The following ENPP2 variants were observed in gnomAD, a reference collection of about 807,000 sequenced individuals.
The protein encoded by ENPP2 is autotaxin.
ENPP2 carries 51 observed loss-of-function variants against 120.2 expected under a neutral mutation model. The observed-to-expected ratio is 0.42, with a 90% CI of 0.34 to 0.54. The LOEUF is 0.54. Among genes scored for constraint, ENPP2 ranks in the 20% least tolerant of loss-of-function variants. The pLI, the probability that ENPP2 is intolerant of heterozygous loss-of-function variation, is 0.04. For missense variants in ENPP2, 920 were observed against 1,066.5 expected (o/e 0.86, Z 1.91); for synonymous variants, 365 against 366.4 (o/e 1.00, Z 0.04).
chr8:119,614,390 A>G (rs1250572393), intron 8 of ENPP2, among the ~76,000 whole-genome samples: 2 of 152,126 alleles, frequency 1.3e-5, no homozygotes, highest in Non-Finnish European at 2.9e-5. Context: ...TATGGTGGCC[A>G]TCTTGCCCAA....
chr8:119,621,563 C>G (rs1587504586), intron 3 of ENPP2, 44 bp from the exon 4 acceptor site: 1 of 1,598,574 alleles, frequency 6.3e-7, no homozygotes, highest in South Asian at 1.1e-5. Flanking sequence ...GCACACTAAC[C>G]AAATGAAAGA....
At chr8:119,613,243 G>A (rs1298369965) in intron 8 of ENPP2, among the ~76,000 whole-genome samples, 3 of 152,214 alleles carry the variant, frequency 2.0e-5, no homozygotes, top group Non-Finnish European at 2.9e-5. Context: ...TGCATGTTGA[G>A]TATTAACAAA....
At chr8:119,571,555 T>C (rs1253021149) in intron 19 of ENPP2, 1 of 152,202 alleles carries the variant, frequency 6.6e-6, no homozygotes, top group African/African-American at 2.4e-5. Flanking sequence ...CTTTACTCTT[T>C]GCGGAAGAAG....
At chr8:119,583,892 ACAC>A in intron 16 of ENPP2, 67 bp downstream of exon 16, 3 of 1,380,924 alleles carry the variant, frequency 2.2e-6, no homozygotes, top group Non-Finnish European at 3.1e-6. Context: ...AACTTCACTC[ACAC>A]CACCATTACT....
At chr8:119,617,374 T>C (rs1815530807) in intron 6 of ENPP2, 92 bp downstream of exon 6, 4 of 1,118,854 alleles carry the variant, frequency 3.6e-6, no homozygotes, top group East Asian at 2.5e-5. Flanking sequence ...CATTTAAAAC[T>C]ACGTGCCCAT....
chr8:119,658,931 A>G (rs1045253628), intron 1 of ENPP2, among the ~76,000 whole-genome samples: 3 of 152,218 alleles, frequency 2.0e-5, no homozygotes, highest in African/African-American at 4.8e-5. Context: ...AAAAGGGATC[A>G]GGCAACTGCC....
At chr8:119,573,407 T>TAAAAAAAAA (rs1563680979) in intron 19 of ENPP2, among the ~76,000 whole-genome samples, 13 of 71,548 alleles carry the variant, frequency 1.8e-4, no homozygotes, top group African/African-American at 8.5e-4. Flanking sequence ...GCTCCGTCTC[T>TAAAAAAAAA]TAAAAAAAAA....
At chr8:119,635,048 A>C (rs572022899) in intron 2 of ENPP2, among the ~76,000 whole-genome samples, 1 of 152,368 alleles carries the variant, frequency 6.6e-6, no homozygotes, top group East Asian at 1.9e-4. Context: ...CACAGAGCAA[A>C]TGGCTGATCT....
chr8:119,673,346 G>C (rs1163040301), exon 1 of ENPP2: 2 of 1,525,590 alleles, frequency 1.3e-6, no homozygotes, highest in South Asian at 1.2e-5. Flanking sequence ...CGCGACCTGG[G>C]AGCTGTGCTC....
intron 9 of ENPP2, among the ~76,000 whole-genome samples, chr8:119,604,173 G>A (rs1814523941): frequency 6.6e-6 from 1 of 152,002 alleles, no homozygotes; most frequent in African/African-American, 2.4e-5. Context: ...GATTAAAGGT[G>A]CCTGCCACCA....
chr8:119,646,005 G>A lies in ENPP2; in HGVS notation c.22-7478C>T, dbSNP rs551760475. Among the ~76,000 whole-genome samples the A allele has an allele frequency of 4.0e-5, 6 of 150,296 alleles. No homozygotes were observed. In the East Asian group the frequency reaches 1.2e-3, roughly 30 times the overall value. On this transcript the variant is annotated intron_variant, in intron 1 of 25. Coordinates refer to the ENPP2 transcript ENST00000427067. Reference sequence around the variant, plus strand: ...TTTTTTGAGATGGAGTTTCACTCTTGTTGCCCAGGCTGGAGCGCAATGGCA... The same window carrying A: ...TTTTTTGAGATGGAGTTTCACTCTTATTGCCCAGGCTGGAGCGCAATGGCA...
intron 4 of ENPP2, among the ~76,000 whole-genome samples, 180 bp from the exon 5 acceptor site, chr8:119,619,484 A>G (rs1190005767): frequency 1.3e-5 from 2 of 152,136 alleles, no homozygotes; most frequent in African/African-American, 2.4e-5. Context: ...ACACCCATAC[A>G]TGATGGGAAA....
intron 12 of ENPP2, among the ~76,000 whole-genome samples, chr8:119,592,495 A>AAG (rs1563706849): frequency 1.3e-5 from 2 of 150,866 alleles, no homozygotes. Context: ...AAAAAAAAAA[A>AAG]AAGAAGAAGA....
At chr8:119,558,043 T>A (rs1813607009) in intron 24 of ENPP2, among the ~76,000 whole-genome samples, 1 of 152,194 alleles carries the variant, frequency 6.6e-6, no homozygotes, top group Non-Finnish European at 1.5e-5. Context: ...AGCTGTCAAA[T>A]TGCAATATTG....
At chr8:119,630,822 T>C (rs1159775918) in intron 2 of ENPP2, among the ~76,000 whole-genome samples, 2 of 152,110 alleles carry the variant, frequency 1.3e-5, no homozygotes, top group African/African-American at 4.8e-5. Flanking sequence ...AAAGGGAAGG[T>C]AGTTTGAGCC....
chr8:119,586,207 T>C lies in ENPP2; in HGVS notation c.1346A>G (p.Glu449Gly). 1 of 1,614,136 alleles carries C rather than the reference T, an allele frequency of 6.2e-7. No homozygotes were observed. Among genetic ancestry groups the C allele is most frequent in the Non-Finnish European group, 8.5e-7 (1 of 1,179,978 alleles). ...RRIEDIHLLV[E>G]RRWHVARKPL... ...TTACCTTGCAACATGCCATCTGCGT[T>C]CCACCAATAAATGGATATCCTCAAT... The change falls in exon 15 of 25, where the codon GAA (glutamate) becomes GGA (glycine). Residue 449 changes from glutamate to glycine, a missense_variant. Physicochemically the swap from Glu to Gly is moderately conservative, Grantham distance 98. Transcript: ENST00000075322.
chr8:119,560,117 C>T (rs746829129), intron 24 of ENPP2, among the ~76,000 whole-genome samples: 4 of 152,154 alleles, frequency 2.6e-5, no homozygotes, highest in South Asian at 2.1e-4. Context: ...CTCTAATGAC[C>T]GAACTTGAAC....
At chr8:119,657,132 CCAGTCTGGT>C (rs1403048495) in intron 1 of ENPP2, among the ~76,000 whole-genome samples, 1 of 152,214 alleles carries the variant, frequency 6.6e-6, no homozygotes, top group South Asian at 2.1e-4. Context: ...ACCATGTTGG[CCAGTCTGGT>C]CTCGAACTCC....
intron 2 of ENPP2, among the ~76,000 whole-genome samples, chr8:119,629,730 C>G (rs186824011): frequency 1.4e-4 from 21 of 152,166 alleles, no homozygotes; most frequent in Non-Finnish European, 2.5e-4. Flanking sequence ...TTTGACCAAC[C>G]TATCAACAGT....
Sources: allele counts gnomAD v4.1 joint callset (sites outside exome capture counted in the v4.1 genomes callset), GRCh38; gene constraint gnomAD v4.1.1; transcripts MANE v1.5; gene names NCBI Gene and HGNC (gene_info 2026-07-23, HGNC 2026-07-21).